The following ZNF76 variants were observed in gnomAD, a reference collection of about 807,000 sequenced individuals.
ZNF76 encodes zinc finger protein 523.
A neutral mutation model predicts 66.9 loss-of-function variants in ZNF76; 66 were observed. That is an observed-to-expected ratio of 0.99 (90% CI 0.81 to 1.21). ZNF76 has a LOEUF of 1.21. Ranked by LOEUF, ZNF76 falls within the 50% of genes most tolerant of loss-of-function variation. The pLI is 0.00. For synonymous variants in ZNF76, 275 were observed against 296.1 expected (o/e 0.93, Z 0.73); for missense variants, 729 against 760.3 (o/e 0.96, Z 0.48).
chr6:35,292,782 T>C lies in ZNF76; in HGVS notation c.1160T>C (p.Leu387Pro), dbSNP rs779138134. 3.7e-6 allele frequency: 6 copies of C among 1,613,900 alleles called. No individual in the cohort carries two copies. Among genetic ancestry groups the C allele is most frequent in the Non-Finnish European group, 4.2e-6 (5 of 1,179,916 alleles). ...SEQALYEQQQ[L>P]EAASAAEESP... ...CAGGCCCTCTATGAGCAGCAGCAAC[T>C]TGAGGGTAAGGGGAGTGGGCAGAGG... Residue 387 changes from leucine (L) to proline (P), a missense_variant, in exon 10 of 14, where the codon CTT (leucine) becomes CCT (proline). Leu to Pro is a moderately conservative substitution (Grantham distance 98, BLOSUM62 -3). Transcript: ENST00000373953. This position sits in a 1 kb window ranked among gnomAD's most constrained non-coding sequence, Gnocchi z 4.7.
intron 1 of ZNF76, among the ~76,000 whole-genome samples, chr6:35,268,927 T>C (rs1786564786): frequency 1.3e-5 from 2 of 152,088 alleles, no homozygotes; most frequent in Non-Finnish European, 2.9e-5. Flanking sequence ...CAGCTATCAG[T>C]CAAGATATAG....
intron 1 of ZNF76, among the ~76,000 whole-genome samples, chr6:35,278,273 A>G (rs1183435422): frequency 6.6e-6 from 1 of 152,210 alleles, no homozygotes; most frequent in Non-Finnish European, 1.5e-5. Flanking sequence ...GGTTCAAGCA[A>G]TTCTCCTGCC....
intron 1 of ZNF76, among the ~76,000 whole-genome samples, chr6:35,271,500 C>G (rs755965216): frequency 6.6e-6 from 1 of 152,168 alleles, no homozygotes; most frequent in Non-Finnish European, 1.5e-5. Flanking sequence ...CAAACCCCGT[C>G]TCTACTAAAA....
At chr6:35,260,200 G>C (rs1211440604) in intron 1 of ZNF76, among the ~76,000 whole-genome samples, 1 of 152,026 alleles carries the variant, frequency 6.6e-6, no homozygotes, top group African/African-American at 2.4e-5. Context: ...CCACCAACCA[G>C]TGACTCCCTC....
At chr6:35,290,442 A>T in intron 6 of ZNF76, 60 bp downstream of exon 6, 1 of 1,598,396 alleles carries the variant, frequency 6.3e-7, no homozygotes, top group South Asian at 1.1e-5. Context: ...CTGTAATTCT[A>T]CCTTTCTGCT....
At position 35,293,883 on chromosome 6, in the gene ZNF76, A is replaced by G. The variant is rs1285099040; in HGVS notation, c.1462A>G (p.Met488Val). The G allele has an allele frequency of 4.3e-6, 7 of 1,614,068 alleles. No individual in the cohort carries two copies. The highest frequency in any genetic ancestry group is 1.1e-5 in the South Asian group (1 of 91,086). ...CACATCTGGCACACATACAGTCACCATGGTCAGCGCCGATGGCACCCAGAC... is the reference window on the plus strand; with the variant it reads ...CACATCTGGCACACATACAGTCACCGTGGTCAGCGCCGATGGCACCCAGAC... ...LATSGTHTVT[M>V]VSADGTQTQP... Residue 488 changes from methionine (M) to valine (V), a missense_variant, in exon 12 of 14, where the codon ATG (methionine) becomes GTG (valine). Met to Val is a conservative substitution (Grantham distance 21). Coordinates refer to ENST00000373953, the MANE Select transcript of ZNF76 (RefSeq NM_003427.5).
At chr6:35,290,436 A>G in intron 6 of ZNF76, 54 bp downstream of exon 6, 1 of 1,601,422 alleles carries the variant, frequency 6.2e-7, no homozygotes, top group Non-Finnish European at 8.5e-7. Context: ...CCCAGGCTGT[A>G]ATTCTACCTT....
Position 35,281,623 on chromosome 6 carries a change from A to T in ZNF76, c.73+399A>T, listed in dbSNP as rs189747619. On this transcript the variant is annotated intron_variant, in intron 2 of 13. Transcript: ENST00000373953. The stretch of plus-strand genomic sequence containing the variant: ...TATTCAAACATTCAAACTACTAAGC[A>T]TCTGCCATGTACAAGATGCTCTTTT... 8.6e-4 allele frequency among the ~76,000 whole-genome samples: 131 copies of T among 152,256 alleles called. 1 individual carries two copies. The Middle Eastern group carries it at 0.01, about 12-fold the overall frequency.
At chr6:35,279,008 A>G (rs1788343455) in intron 1 of ZNF76, among the ~76,000 whole-genome samples, 1 of 152,220 alleles carries the variant, frequency 6.6e-6, no homozygotes, top group Non-Finnish European at 1.5e-5. Flanking sequence ...GTGCTAGGAA[A>G]AGGTGGTACC....
chr6:35,295,149 G>A lies in ZNF76; in HGVS notation c.1614G>A (p.Glu538=). ...CTGCACCCCCTTCCCCACAGCTGGA[G>A]GAACAGCAGACCTTAGAGGAGGCCA... ...ANGTHIAVQL[E]EQQTLEEAIN... is the part of the protein sequence containing the mutation. Residue 538 remains glutamate (E), a synonymous_variant, in exon 14 of 14, where the codon GAG becomes GAA. Transcript: ENST00000373953. The A allele has an allele frequency of 6.2e-7, 1 of 1,611,346 alleles. No homozygotes were observed. The highest frequency in any genetic ancestry group is 8.5e-7 in the Non-Finnish European group (1 of 1,178,602).
chr6:35,287,453 A>G lies in ZNF76; in HGVS notation c.233-193A>G, dbSNP rs1453226193. Reference sequence around the variant, plus strand: ...TGTGAGTTCCCATTTAGTGTACCATAGGAGACCTCATCCTTAGGTGAGACA... The same window carrying G: ...TGTGAGTTCCCATTTAGTGTACCATGGGAGACCTCATCCTTAGGTGAGACA... On this transcript the variant is annotated intron_variant, in intron 4 of 13. Transcript: ENST00000373953. This position sits in a 1 kb window ranked among gnomAD's most constrained non-coding sequence, Gnocchi z 4.0. Among the ~76,000 whole-genome samples the G allele has an allele frequency of 6.6e-6, 1 of 152,164 alleles. No homozygotes were observed. The highest frequency in any genetic ancestry group is 1.5e-5 in the Non-Finnish European group (1 of 68,028).
At chr6:35,270,712 C>A (rs1786913231) in intron 1 of ZNF76, among the ~76,000 whole-genome samples, 2 of 151,906 alleles carry the variant, frequency 1.3e-5, no homozygotes, top group South Asian at 2.1e-4. Context: ...TGTGTGCCAC[C>A]ATGCCCAGCT....
In ZNF76 at chr6:35,295,614, G is replaced by T; in HGVS notation, c.*366G>T. 3.1e-6 allele frequency: 1 copy of T among 326,788 alleles called. No individual in the cohort carries two copies. The allele number at this position is 326,788 out of a possible 1,614,324, so 20.2% of individuals were successfully genotyped here. ...GCTGCTATGGGGACTGGCCCTGTAG[G>T]GTTGAGCCACAGACAGCTCTTCAGC... On this transcript the variant is annotated 3_prime_UTR_variant, in exon 14 of 14. Coordinates refer to ENST00000373953, the MANE Select transcript of ZNF76 (RefSeq NM_003427.5).
At chr6:35,269,038 TGGGAGGCTGAGGCG>T (rs1786585219) in intron 1 of ZNF76, among the ~76,000 whole-genome samples, 1 of 151,972 alleles carries the variant, frequency 6.6e-6, no homozygotes, top group Non-Finnish European at 1.5e-5. Flanking sequence ...CCCAGCACTT[TGGGAGGCTGAGGCG>T]GGTGGTTCAC....
At chr6:35,262,397 G>C (rs755199306) in intron 1 of ZNF76, among the ~76,000 whole-genome samples, 2 of 152,134 alleles carry the variant, frequency 1.3e-5, no homozygotes, top group African/African-American at 4.8e-5. Context: ...GCCATATTTT[G>C]GAGTAGTGTC....
At chr6:35,291,043 A>G (rs1790301082) in intron 7 of ZNF76, 1 of 605,628 alleles carries the variant, frequency 1.7e-6, no homozygotes, top group Non-Finnish European at 2.9e-6. Flanking sequence ...ACCTTTAGCC[A>G]TGAGTTCTCT....
chr6:35,295,437 C>G lies in ZNF76; in HGVS notation c.*189C>G. On this transcript the variant is annotated 3_prime_UTR_variant, in exon 14 of 14. Transcript: ENST00000373953. ...CCTGCTCAAGAAGGGGGCCAGGCAG[C>G]TGGAATCAGGGGAGTGCATCATCCT... 1 of 643,198 alleles carries G rather than the reference C, an allele frequency of 1.6e-6. No homozygotes were observed. Among genetic ancestry groups the G allele is most frequent in the Non-Finnish European group, 2.9e-6 (1 of 350,658 alleles). 39.8% of individuals were successfully genotyped at this position (643,198 alleles called of 1,614,324 possible). A position where few individuals can be genotyped will look rare whatever the true frequency, so the allele number is the denominator to read the frequency against.
intron 1 of ZNF76, among the ~76,000 whole-genome samples, chr6:35,273,338 A>G (rs757192223): frequency 6.0e-5 from 9 of 150,272 alleles, no homozygotes; most frequent in Non-Finnish European, 7.4e-5. Context: ...ACACCTGGCT[A>G]ATTTTCGTAT....
rs1308313980 is a variant in ZNF76 at position 35,286,382 on chromosome 6, T to C, written c.215T>C (p.Ile72Thr). 2.5e-6 allele frequency: 4 copies of C among 1,613,950 alleles called. No individual in the cohort carries two copies. In the South Asian group the frequency reaches 4.4e-5, roughly 18 times the overall value. The change falls in exon 4 of 14, where the codon ATA becomes ACA. Residue 72 changes from isoleucine (I) to threonine (T), a missense_variant. Physicochemically the swap from Ile to Thr is moderately conservative, Grantham distance 89. Transcript: ENST00000373953. Reference protein sequence around the residue: ...VQLEDGSMAYIHRTPREGYDP... With the variant: ...VQLEDGSMAYTHRTPREGYDP... ...CTGGAAGATGGCAGCATGGCTTACA[T>C]ACACCGCACACCCAGAGGTAGGGTC...
Sources: allele counts gnomAD v4.1 joint callset (sites outside exome capture counted in the v4.1 genomes callset), GRCh38; gene constraint gnomAD v4.1.1; non-coding constraint Gnocchi (gnomAD v3.1); transcripts MANE v1.5; gene names NCBI Gene and HGNC (gene_info 2026-07-23, HGNC 2026-07-21).